CATSPERB: variants seen among roughly 807,000 people sequenced by gnomAD.
The protein encoded by CATSPERB is cation channel sperm-associated auxiliary subunit beta.
A neutral mutation model predicts 128.3 loss-of-function variants in CATSPERB; 93 were observed. That is an observed-to-expected ratio of 0.72 (90% CI 0.61 to 0.86). The LOEUF (loss-of-function observed/expected upper bound fraction) is 0.86. Among genes scored for constraint, CATSPERB ranks in the 40% least tolerant of loss-of-function variants. The probability of loss-of-function intolerance (pLI) is 0.00; values close to 1 mark genes in which losing one functional copy is unlikely to be tolerated. For missense variants in CATSPERB, 1,153 were observed against 1,329.5 expected, an observed-to-expected ratio of 0.87 and a Z score of 2.06; for synonymous variants, 381 against 448.8, an observed-to-expected ratio of 0.85 and a Z score of 1.91.
rs554681726 is a variant in CATSPERB, at chr14:91,630,204, C to A, written c.1743-5197G>T. ...CCTCTTCTCTTGGTTTATATGGCCCCACATTTTCCTGTGTTTTTTCTACCT... is the reference window on the plus strand; with the variant it reads ...CCTCTTCTCTTGGTTTATATGGCCCAACATTTTCCTGTGTTTTTTCTACCT... On this transcript the variant is annotated intron_variant, in intron 17 of 26. Transcript: ENST00000256343. 5.1e-4 allele frequency among the ~76,000 whole-genome samples: 78 copies of A among 152,304 alleles called. 1 individual carries two copies. The South Asian group carries it at 0.016, about 31-fold the overall frequency.
chr14:91,595,660 A>G lies in CATSPERB; in HGVS notation c.2710-3658T>C, dbSNP rs1402061801. Among the ~76,000 whole-genome samples, 4 of 152,176 alleles carry G rather than the reference A, an allele frequency of 2.6e-5. No individual in the cohort carries two copies. The East Asian group carries it at 7.7e-4, about 29-fold the overall frequency. ...GACTGTGTACACAAAATATGAGGCC[A>G]GTTTCCCAAGGGCTTTATTGGCTCC... On this transcript the variant is annotated intron_variant, in intron 22 of 26. Coordinates refer to ENST00000256343, the MANE Select transcript of CATSPERB (RefSeq NM_024764.4).
intron 15 of CATSPERB, among the ~76,000 whole-genome samples, chr14:91,650,449 T>A (rs902175898): frequency 2.0e-5 from 3 of 152,208 alleles, no homozygotes; most frequent in Non-Finnish European, 4.4e-5. Context: ...ATGAGTTGAG[T>A]TGGTTCCAAA....
intron 22 of CATSPERB, among the ~76,000 whole-genome samples, chr14:91,596,100 A>C (rs1893500722): frequency 6.6e-6 from 1 of 152,142 alleles, no homozygotes; most frequent in South Asian, 2.1e-4. Context: ...TCAGCTCTCC[A>C]TGAGAGTTCT....
At chr14:91,666,300 C>A (rs911225208) in intron 14 of CATSPERB, among the ~76,000 whole-genome samples, 1 of 152,164 alleles carries the variant, frequency 6.6e-6, no homozygotes, top group Non-Finnish European at 1.5e-5. Flanking sequence ...TTGGAATCAC[C>A]GGCTTTTGCC....
chr14:91,609,327 C>T (rs1176941996), intron 21 of CATSPERB, among the ~76,000 whole-genome samples: 1 of 152,076 alleles, frequency 6.6e-6, no homozygotes, highest in Non-Finnish European at 1.5e-5. Context: ...ATTAGAGCCA[C>T]GAGAGGTCAC....
chr14:91,597,004 A>T (rs1704663), intron 22 of CATSPERB, among the ~76,000 whole-genome samples: 39 of 151,170 alleles, frequency 2.6e-4, no homozygotes, highest in African/African-American at 5.8e-4. Context: ...CTCCTGCCTC[A>T]GCCTCCTGAG....
chr14:91,709,228 C>T (rs1304859373), intron 5 of CATSPERB: 1 of 152,146 alleles, frequency 6.6e-6, no homozygotes, highest in Non-Finnish European at 1.5e-5. Context: ...GAGATAATGG[C>T]TACAGAGAAC....
At chr14:91,593,373 A>C (rs1454876580) in intron 22 of CATSPERB, among the ~76,000 whole-genome samples, 1 of 152,216 alleles carries the variant, frequency 6.6e-6, no homozygotes, top group Non-Finnish European at 1.5e-5. Flanking sequence ...CAGCCCGTGA[A>C]AGCAGCCAGG....
intron 17 of CATSPERB, among the ~76,000 whole-genome samples, chr14:91,626,135 AT>A (rs1472053936): frequency 1.3e-5 from 2 of 152,206 alleles, no homozygotes; most frequent in South Asian, 2.1e-4. Context: ...AAAAAAGAAA[AT>A]AAAGAACTCT....
At chr14:91,678,371 A>G (rs1365258493) in intron 11 of CATSPERB, among the ~76,000 whole-genome samples, 1 of 152,228 alleles carries the variant, frequency 6.6e-6, no homozygotes, top group African/African-American at 2.4e-5. Flanking sequence ...TCACAAAAAT[A>G]ATTCAGATCC....
rs376265668 is a variant in CATSPERB, at chr14:91,683,859, T to C, written c.931+18A>G. The C allele has an allele frequency of 3.0e-5, 47 of 1,556,422 alleles. No homozygotes were observed. The African/African-American group carries it at 5.7e-4, about 19-fold the overall frequency. The stretch of plus-strand genomic sequence containing the variant: ...TGTAAAAGTCTCTTAATACAGTATA[T>C]CTTTAACCAAAATTTACCTTCAAAG... On this transcript the variant is annotated intron_variant, in intron 11 of 26. Transcript: ENST00000256343.
chr14:91,624,653 AAAC>A (rs1287936281), intron 18 of CATSPERB, among the ~76,000 whole-genome samples, 164 bp downstream of exon 18: 1 of 152,156 alleles, frequency 6.6e-6, no homozygotes, highest in Non-Finnish European at 1.5e-5. Flanking sequence ...AAAAAAAAAA[AAAC>A]AAAAAACTTT....
intron 4 of CATSPERB, 120 bp downstream of exon 4, chr14:91,722,929 G>T: frequency 1.5e-6 from 1 of 681,762 alleles, no homozygotes; most frequent in Non-Finnish European, 2.1e-6. Flanking sequence ...CTATCAGTGG[G>T]CTTAAAACAT....
intron 19 of CATSPERB, among the ~76,000 whole-genome samples, chr14:91,618,688 T>C (rs1453653391): frequency 6.6e-6 from 1 of 152,242 alleles, no homozygotes; most frequent in Non-Finnish European, 1.5e-5. Context: ...GCAGGCCACC[T>C]GTTTGCAACT....
rs2139833007 is a variant in CATSPERB at position 91,674,171 on chromosome 14, C to T, written c.978+5G>A. The T allele has an allele frequency of 6.8e-7, 1 of 1,477,310 alleles. No individual in the cohort carries two copies. Among genetic ancestry groups the T allele is most frequent in the Non-Finnish European group, 9.4e-7 (1 of 1,068,394 alleles). The allele number at this position is 1,477,310 out of a possible 1,614,324, so 91.5% of individuals were successfully genotyped here. A position where few individuals can be genotyped will look rare whatever the true frequency, so the allele number is the denominator to read the frequency against. ...TCTTAACTTATAAAATATTCAATAT[C>T]ATACCTCACTTAGGGTTCTGTTTCT... On this transcript the variant is annotated splice_donor_5th_base_variant and intron_variant, in intron 12 of 26. Coordinates refer to ENST00000256343, the MANE Select transcript of CATSPERB (RefSeq NM_024764.4).
At position 91,588,080 on chromosome 14, in the gene CATSPERB, TA is replaced by T; in HGVS notation, c.2957-3del. On this transcript the variant is annotated splice_polypyrimidine_tract_variant and splice_region_variant and intron_variant, in intron 24 of 26. Transcript: ENST00000256343. ...TAATATTTTCTGGCACAGTGTGTTC[TA>T]AAAATACATAAAACATATTTTAAGC... The T allele has an allele frequency of 6.5e-7, 1 of 1,533,828 alleles. No individual in the cohort carries two copies. Among genetic ancestry groups the T allele is most frequent in the Non-Finnish European group, 9.0e-7 (1 of 1,112,030 alleles).
At chr14:91,664,280 T>C (rs1894941316) in intron 14 of CATSPERB, among the ~76,000 whole-genome samples, 2 of 126,022 alleles carry the variant, frequency 1.6e-5, no homozygotes, top group South Asian at 2.7e-4. Context: ...TTTTTTTTTT[T>C]TTTGAGACAG....
chr14:91,638,987 T>C (rs545183199), intron 16 of CATSPERB, 109 bp downstream of exon 16: 1 of 946,300 alleles, frequency 1.1e-6, no homozygotes, highest in Non-Finnish European at 1.6e-6. Context: ...ACTGCATTAA[T>C]GAGTTTGTCC....
intron 1 of CATSPERB, among the ~76,000 whole-genome samples, chr14:91,731,655 A>AC (rs1414426666): frequency 6.6e-6 from 1 of 151,820 alleles, no homozygotes; most frequent in Admixed American, 6.6e-5. Flanking sequence ...TCCTCATCAC[A>AC]CTCCCCTACT....
Sources: allele counts gnomAD v4.1 joint callset (sites outside exome capture counted in the v4.1 genomes callset), GRCh38; gene constraint gnomAD v4.1.1; transcripts MANE v1.5; gene names NCBI Gene and HGNC (gene_info 2026-07-23, HGNC 2026-07-21).